Variants in EIF2AK3 observed in about 807,000 individuals in gnomAD.
EIF2AK3 encodes eukaryotic translation initiation factor 2-alpha kinase 3.
In EIF2AK3, 50 loss-of-function variants were observed where a neutral mutation model predicts 113.5. That is an observed-to-expected ratio of 0.44 (90% CI 0.35 to 0.56). EIF2AK3 has a LOEUF of 0.56. Among genes scored for constraint, EIF2AK3 ranks in the 20% least tolerant of loss-of-function variants. EIF2AK3 has a pLI of 0.00. For missense variants in EIF2AK3, 1,185 were observed against 1,378.0 expected, an observed-to-expected ratio of 0.86 and a Z score of 2.22; for synonymous variants, 448 against 495.4, an observed-to-expected ratio of 0.90 and a Z score of 1.27.
chr2:88,613,855 T>G lies in EIF2AK3; in HGVS notation c.309-2A>C. The G allele has an allele frequency of 6.2e-7, 1 of 1,609,024 alleles. No individual in the cohort carries two copies. Among genetic ancestry groups the G allele is most frequent in the Non-Finnish European group, 8.5e-7 (1 of 1,176,386 alleles). ...AAAGTGCTGATAATTACTAATGACC[T>G]GTAAATATTAAAAATATTTTTAAAA... On this transcript the variant is annotated splice_acceptor_variant, in intron 1 of 16. Coordinates refer to ENST00000303236, the MANE Select transcript of EIF2AK3 (RefSeq NM_004836.7). LOFTEE classifies it high-confidence loss of function.
chr2:88,588,137 TA>T, intron 7 of EIF2AK3, 33 bp from the exon 8 acceptor site: 1 of 1,361,382 alleles, frequency 7.3e-7, no homozygotes, highest in Non-Finnish European at 1.0e-6. Context: ...TTAATAATAA[TA>T]TTTCTTAAGT....
intron 13 of EIF2AK3, chr2:88,574,460 A>G (rs1674398745): frequency 1.6e-6 from 1 of 610,704 alleles, no homozygotes; most frequent in East Asian, 2.8e-5. Flanking sequence ...ACTGAAGACA[A>G]TGAATGCATG....
intron 1 of EIF2AK3, among the ~76,000 whole-genome samples, chr2:88,619,721 A>G (rs1369453800): frequency 6.6e-6 from 1 of 152,186 alleles, no homozygotes; most frequent in African/African-American, 2.4e-5. Context: ...TGGGAGGCCA[A>G]GGCGGATGGA....
At chr2:88,568,897 A>AG (rs1198406527) in intron 14 of EIF2AK3, among the ~76,000 whole-genome samples, 1 of 152,012 alleles carries the variant, frequency 6.6e-6, no homozygotes, top group Admixed American at 6.6e-5. Flanking sequence ...CTTGACAGAG[A>AG]GTTTTTTTTT....
chr2:88,598,872 G>C (rs1675080617), intron 2 of EIF2AK3, among the ~76,000 whole-genome samples: 1 of 152,144 alleles, frequency 6.6e-6, no homozygotes, highest in Non-Finnish European at 1.5e-5. Context: ...GGGCCATGAT[G>C]CATATTTAAC....
At chr2:88,625,054 C>G (rs1157129534) in intron 1 of EIF2AK3, 1 of 152,250 alleles carries the variant, frequency 6.6e-6, no homozygotes, top group African/African-American at 2.4e-5. Flanking sequence ...CAACATTTCT[C>G]AAACTTTAAC....
intron 8 of EIF2AK3, 101 bp downstream of exon 8, chr2:88,587,881 A>G (rs1674778125): frequency 7.5e-6 from 6 of 803,436 alleles, no homozygotes; most frequent in Non-Finnish European, 1.1e-5. Context: ...TTGTCTCCCA[A>G]GATGTTTTAT....
chr2:88,596,101 A>G (rs922366718), intron 2 of EIF2AK3, among the ~76,000 whole-genome samples: 2 of 152,210 alleles, frequency 1.3e-5, no homozygotes, highest in Non-Finnish European at 2.9e-5. Flanking sequence ...TAAATAGATA[A>G]TATATGCAGT....
At chr2:88,618,829 C>G (rs558377222) in intron 1 of EIF2AK3, among the ~76,000 whole-genome samples, 2 of 152,304 alleles carry the variant, frequency 1.3e-5, no homozygotes, top group African/African-American at 4.8e-5. Context: ...TGATCCAATC[C>G]TTGGAAGCCA....
chr2:88,587,483 T>C (rs540138467), intron 8 of EIF2AK3, among the ~76,000 whole-genome samples: 3 of 152,256 alleles, frequency 2.0e-5, no homozygotes, highest in Admixed American at 6.5e-5. Flanking sequence ...TTCTTGACTT[T>C]TGCACTAATT....
chr2:88,588,000 T>C lies in EIF2AK3; in HGVS notation c.1411A>G (p.Ile471Val), dbSNP rs764107317. Residue 471 changes from isoleucine (I) to valine (V), a missense_variant, in exon 8 of 17, where the codon ATC (isoleucine) becomes GTC (valine). Ile to Val is a conservative substitution (Grantham distance 29). Around this residue, in one of 3 missense-constraint regions of EIF2AK3, gnomAD observed 877 missense variants for 1,024.2 expected, o/e 0.86. Transcript: ENST00000303236. ...CACTTACCATATGGATACTGCAAGA[T>C]TGAAAGTGCACCATTACTATATTCT... Reference protein sequence around the residue: ...HEEYSNGALSILQYPYDNGYY... With the variant: ...HEEYSNGALSVLQYPYDNGYY... 20 of 1,583,084 alleles carry C rather than the reference T, an allele frequency of 1.3e-5. No individual in the cohort carries two copies. The highest frequency in any genetic ancestry group is 1.7e-5 in the Non-Finnish European group (20 of 1,159,316).
At chr2:88,613,132 C>T (rs1397651209) in intron 2 of EIF2AK3, among the ~76,000 whole-genome samples, 1 of 152,162 alleles carries the variant, frequency 6.6e-6, no homozygotes. Context: ...ACAACTAAAG[C>T]TCTGAGGGGC....
At chr2:88,562,156 TCA>T in intron 15 of EIF2AK3, 131 bp downstream of exon 15, 1 of 714,304 alleles carries the variant, frequency 1.4e-6, no homozygotes, top group Non-Finnish European at 2.5e-6. Context: ...TCTGTGTTAC[TCA>T]CATCACCTCT....
intron 14 of EIF2AK3, among the ~76,000 whole-genome samples, chr2:88,569,489 C>A (rs1485038355): frequency 1.3e-5 from 2 of 152,028 alleles, no homozygotes; most frequent in Non-Finnish European, 2.9e-5. Context: ...TTCAGTCTAC[C>A]AGTGGGAATT....
intron 1 of EIF2AK3, among the ~76,000 whole-genome samples, chr2:88,624,184 G>T (rs753475511): frequency 1.2e-4 from 18 of 152,160 alleles, no homozygotes; most frequent in Non-Finnish European, 2.6e-4. Flanking sequence ...GTAGAGATGG[G>T]GTTTCATCAT....
chr2:88,607,547 CACAATTCAT>C (rs1462212848), intron 2 of EIF2AK3, among the ~76,000 whole-genome samples: 2 of 152,154 alleles, frequency 1.3e-5, no homozygotes, highest in Non-Finnish European at 1.5e-5. Context: ...TCCCAAGGTA[CACAATTCAT>C]ACAATTCATT....
Position 88,575,197 on chromosome 2 carries a change from C to A in EIF2AK3, c.2286G>T (p.Gln762His), listed in dbSNP as rs777171158. The change falls in exon 13 of 17, where the codon CAG (glutamine) becomes CAT (histidine). Residue 762 changes from glutamine (Q) to histidine (H), a missense_variant. Transcript: ENST00000303236. ...SESVDAAYNL[Q>H]DSCLTDCDVE... ...CATCACAGTCTGTAAGGCAACTGTC[C>A]TGGAGGTTGTATGCTGCATCCACTG... 1.1e-4 allele frequency: 179 copies of A among 1,613,008 alleles called. No homozygotes were observed. The Admixed American group carries it at 3.0e-3, about 27-fold the overall frequency.
At position 88,595,610 on chromosome 2, in the gene EIF2AK3, C is replaced by A; in HGVS notation, c.492G>T (p.Trp164Cys). ...IPSLDGALFQ[W>C]DQDRESMETV... The stretch of plus-strand genomic sequence containing the variant: ...TTTCCATGCTTTCACGGTCTTGGTC[C>A]CACTGGAAGAGGGCTCCATCCAGGG... The change falls in exon 3 of 17, where the codon TGG (tryptophan) becomes TGT (cysteine). Residue 164 changes from tryptophan (W) to cysteine (C), a missense_variant. This residue lies in a region of EIF2AK3 where 119 missense variants were observed against 178.7 expected (regional missense o/e 0.67). Coordinates refer to ENST00000303236, the MANE Select transcript of EIF2AK3 (RefSeq NM_004836.7). The A allele has an allele frequency of 6.2e-7, 1 of 1,613,962 alleles. No homozygotes were observed. The highest frequency in any genetic ancestry group is 8.5e-7 in the Non-Finnish European group (1 of 1,179,960).
intron 15 of EIF2AK3, among the ~76,000 whole-genome samples, chr2:88,559,811 T>C (rs1673894998): frequency 6.6e-6 from 1 of 152,220 alleles, no homozygotes; most frequent in African/African-American, 2.4e-5. Flanking sequence ...AATGGTTGAA[T>C]ACTTTTCATT....
Sources: allele counts gnomAD v4.1 joint callset (sites outside exome capture counted in the v4.1 genomes callset), GRCh38; gene constraint gnomAD v4.1.1; regional missense constraint gnomAD v4.1.1; transcripts MANE v1.5; gene names NCBI Gene and HGNC (gene_info 2026-07-23, HGNC 2026-07-21).